Variants in DLGAP3 observed in about 807,000 individuals in gnomAD.
DLGAP3 encodes the protein DLG associated protein 3, also known as disks large-associated protein 3.
In DLGAP3, 17 loss-of-function variants were observed where a neutral mutation model predicts 81.2. The ratio of observed to expected loss-of-function variants is 0.21; its 90% CI spans 0.14 to 0.31. The LOEUF is 0.31. Among genes scored for constraint, DLGAP3 ranks in the 10% least tolerant of loss-of-function variants. DLGAP3 has a pLI of 1.00. For synonymous variants in DLGAP3, 577 were observed against 587.4 expected, an observed-to-expected ratio of 0.98 and a Z score of 0.26; for missense variants, 1,124 against 1,388.0, an observed-to-expected ratio of 0.81 and a Z score of 3.02.
chr1:34,868,850 T>C lies in DLGAP3; in HGVS notation c.2240A>G (p.Tyr747Cys). ...CGACCCATCGGTGGCCGGCGGCTCG[T>C]ACGGCAGTGGGTAGCCCTCGCGGTA... The part of the protein sequence containing the change: ...WAYREGYPLP[Y>C]EPPATDGSPG... Residue 747 changes from tyrosine to cysteine, a missense_variant, in exon 9 of 12, where the codon TAC (tyrosine) becomes TGC (cysteine). Transcript: ENST00000373347. This position sits in a 1 kb window ranked among gnomAD's most constrained non-coding sequence, Gnocchi z 7.5. The C allele has an allele frequency of 6.3e-7, 1 of 1,586,726 alleles. No individual in the cohort carries two copies. Among genetic ancestry groups the C allele is most frequent in the Non-Finnish European group, 8.5e-7 (1 of 1,171,422 alleles).
intron 1 of DLGAP3, among the ~76,000 whole-genome samples, chr1:34,919,027 C>T (rs1486287263): frequency 6.6e-6 from 1 of 152,164 alleles, no homozygotes; most frequent in Non-Finnish European, 1.5e-5. Context: ...AGAGTCGTTG[C>T]CATGACACCG....
rs1172785667 is a variant in DLGAP3, at chr1:34,873,832, G to C, written c.2001-4743C>G. Among the ~76,000 whole-genome samples, 4 of 151,786 alleles carry C rather than the reference G, an allele frequency of 2.6e-5. No homozygotes were observed. The highest frequency in any genetic ancestry group is 5.9e-5 in the Non-Finnish European group (4 of 67,834). On this transcript the variant is annotated intron_variant, in intron 8 of 11. Coordinates refer to ENST00000373347, the MANE Select transcript of DLGAP3 (RefSeq NM_001080418.3). The surrounding 1 kb of genome is among the most constrained non-coding windows in gnomAD (Gnocchi z 4.2). ...ATCACACTGGTTGGTTGGTTGGTTG[G>C]TTGGTTGGTTGGTTGGTTGGAAGGA...
chr1:34,921,426 T>C (rs988170616), intron 1 of DLGAP3, among the ~76,000 whole-genome samples: 1 of 152,230 alleles, frequency 6.6e-6, no homozygotes, highest in African/African-American at 2.4e-5. Context: ...TCCCCTTCTA[T>C]GGATCCTTTA....
At chr1:34,877,274 C>A (rs922033829) in intron 8 of DLGAP3, among the ~76,000 whole-genome samples, 2 of 152,198 alleles carry the variant, frequency 1.3e-5, no homozygotes, top group Non-Finnish European at 2.9e-5. Context: ...GTTTCATTTG[C>A]AAACTTGGAC....
At chr1:34,914,150 A>G (rs1167184485) in intron 1 of DLGAP3, among the ~76,000 whole-genome samples, 1 of 152,072 alleles carries the variant, frequency 6.6e-6, no homozygotes, top group Non-Finnish European at 1.5e-5. Flanking sequence ...CTCCCTTCCC[A>G]GCTAGGGCCA....
chr1:34,868,932 G>A lies in DLGAP3; in HGVS notation c.2158C>T (p.Pro720Ser), dbSNP rs751106796. ...AAGACTGAGTAGGTGGGGGCCCGGG[G>A]CCCAGGCTGGGGCTCAGAGGCGTGC... ...QRHASEPQPG[P>S]RAPTYSVFRT... is the part of the protein sequence containing the mutation. Residue 720 changes from proline (P) to serine (S), a missense_variant, in exon 9 of 12, where the codon CCC becomes TCC. Physicochemically the swap from Pro to Ser is moderately conservative, Grantham distance 74. Transcript: ENST00000373347. The surrounding 1 kb of genome is among the most constrained non-coding windows in gnomAD (Gnocchi z 7.5). 8 of 1,609,500 alleles carry A rather than the reference G, an allele frequency of 5.0e-6. No homozygotes were observed. The South Asian group carries it at 6.6e-5, about 13-fold the overall frequency.
At chr1:34,914,856 C>CT (rs1350008153) in intron 1 of DLGAP3, among the ~76,000 whole-genome samples, 4 of 152,280 alleles carry the variant, frequency 2.6e-5, no homozygotes, top group African/African-American at 9.6e-5. Context: ...GAAAACTCAT[C>CT]TTTTTCACGC....
intron 1 of DLGAP3, among the ~76,000 whole-genome samples, chr1:34,924,206 T>A (rs1359816367): frequency 1.3e-5 from 2 of 152,156 alleles, no homozygotes; most frequent in African/African-American, 4.8e-5. Flanking sequence ...GAGAAAGATA[T>A]CCAAGAGAAC....
chr1:34,866,048 C>A lies in DLGAP3; in HGVS notation c.*35G>T. The A allele has an allele frequency of 6.4e-7, 1 of 1,558,156 alleles. No homozygotes were observed. Among genetic ancestry groups the A allele is most frequent in the South Asian group, 1.1e-5 (1 of 88,206 alleles). On this transcript the variant is annotated 3_prime_UTR_variant, in exon 12 of 12. Transcript: ENST00000373347. ...TGGGTGTACAGTACGGGTGGAGAAC[C>A]GCGGGCCCGGGCCGGGCTGGGCGGG...
chr1:34,875,999 C>T (rs890490533), intron 8 of DLGAP3, among the ~76,000 whole-genome samples: 1 of 152,256 alleles, frequency 6.6e-6, no homozygotes, highest in Non-Finnish European at 1.5e-5. Flanking sequence ...ACAGCGGCTA[C>T]ATCATTAATG....
chr1:34,885,379 GA>G, intron 7 of DLGAP3, 98 bp downstream of exon 7: 1 of 1,355,372 alleles, frequency 7.4e-7, no homozygotes. Context: ...GGGCAAGCCA[GA>G]AAGAATGTCG....
chr1:34,869,724 C>T (rs1264349783), intron 8 of DLGAP3, among the ~76,000 whole-genome samples: 2 of 152,152 alleles, frequency 1.3e-5, no homozygotes, highest in Non-Finnish European at 2.9e-5. Context: ...TATCCACCCG[C>T]CTTGGCCTCC....
chr1:34,886,653 A>G (rs1167922077), intron 5 of DLGAP3, among the ~76,000 whole-genome samples: 1 of 152,024 alleles, frequency 6.6e-6, no homozygotes, highest in East Asian at 1.9e-4. Context: ...CCCAACAGAG[A>G]GGACCAGGGA....
In DLGAP3 at chr1:34,898,899, C is replaced by CTCAAAA. The variant is rs537620347; in HGVS notation, c.1386+764_1386+769dup. Among the ~76,000 whole-genome samples, 18 of 151,020 alleles carry CTCAAAA rather than the reference C, an allele frequency of 1.2e-4. No homozygotes were observed. In the South Asian group the frequency reaches 3.4e-3, roughly 29 times the overall value. ...TTTGCATACATTTTCTCACTGAACTCTCAAAAACCCCTGCAAAATAACTGT... is the reference window on the plus strand; with the variant it reads ...TTTGCATACATTTTCTCACTGAACTCTCAAAATCAAAAACCCCTGCAAAATAACTGT... On this transcript the variant is annotated intron_variant, in intron 5 of 11. Coordinates refer to ENST00000373347, the MANE Select transcript of DLGAP3 (RefSeq NM_001080418.3).
At chr1:34,875,514 G>T (rs1297817927) in intron 8 of DLGAP3, among the ~76,000 whole-genome samples, 1 of 152,158 alleles carries the variant, frequency 6.6e-6, no homozygotes, top group Non-Finnish European at 1.5e-5. Context: ...TTTTGCTGTT[G>T]ATGTTGTTGG....
At chr1:34,917,888 G>A (rs1384460291) in intron 1 of DLGAP3, among the ~76,000 whole-genome samples, 1 of 152,216 alleles carries the variant, frequency 6.6e-6, no homozygotes, top group Non-Finnish European at 1.5e-5. Flanking sequence ...TGGCCAGGCA[G>A]TCCAGAGAGG....
In DLGAP3 at chr1:34,900,371, C is replaced by A; in HGVS notation, c.1108-98G>T. ...GCCAGTGGGAGATGCCCTGCCCTGGCTTGAACAGGCACACTCAGGTACATG... is the reference window on the plus strand; with the variant it reads ...GCCAGTGGGAGATGCCCTGCCCTGGATTGAACAGGCACACTCAGGTACATG... On this transcript the variant is annotated intron_variant, in intron 3 of 11. Coordinates refer to ENST00000373347, the MANE Select transcript of DLGAP3 (RefSeq NM_001080418.3). The surrounding 1 kb of genome is among the most constrained non-coding windows in gnomAD (Gnocchi z 5.6). The A allele has an allele frequency of 1.6e-6, 2 of 1,268,364 alleles. No individual in the cohort carries two copies. Among genetic ancestry groups the A allele is most frequent in the Non-Finnish European group, 2.3e-6 (2 of 878,006 alleles). 78.6% of individuals were successfully genotyped at this position (1,268,364 alleles called of 1,614,324 possible).
rs1026520967 is a variant in DLGAP3 at position 34,911,693 on chromosome 1, C to G, written c.-134-4256G>C. ...ATTACCCAATTTAGCACCAACTACA[C>G]AATCCAGCAATTAGTTTCTTAAACC... On this transcript the variant is annotated intron_variant, in intron 1 of 11. Coordinates refer to ENST00000373347, the MANE Select transcript of DLGAP3 (RefSeq NM_001080418.3). Among the ~76,000 whole-genome samples the G allele has an allele frequency of 3.3e-5, 5 of 152,296 alleles. No homozygotes were observed. The Middle Eastern group carries it at 0.017, about 518-fold the overall frequency.
chr1:34,886,212 A>C lies in DLGAP3; in HGVS notation c.1460T>G (p.Val487Gly), dbSNP rs1326262519. The change falls in exon 6 of 12, where the codon GTG (valine) becomes GGG (glycine). Residue 487 changes from valine to glycine, a missense_variant. Physicochemically the swap from Val to Gly is moderately radical, Grantham distance 109. Around this residue, in one of 9 missense-constraint regions of DLGAP3, gnomAD observed 357 missense variants for 408.8 expected, o/e 0.87. Coordinates refer to ENST00000373347, the MANE Select transcript of DLGAP3 (RefSeq NM_001080418.3). ...SVFGELESQA[V>G]DALDLPGCFR... The stretch of plus-strand genomic sequence containing the variant: ...ACAGCCGGGCAGGTCCAGGGCGTCC[A>C]CGGCCTGGGACTCCAGCTCCCCAAA... The C allele has an allele frequency of 1.2e-6, 2 of 1,611,314 alleles. No homozygotes were observed. The highest frequency in any genetic ancestry group is 1.7e-6 in the Non-Finnish European group (2 of 1,179,274).
Sources: allele counts gnomAD v4.1 joint callset (sites outside exome capture counted in the v4.1 genomes callset), GRCh38; gene constraint gnomAD v4.1.1; regional missense constraint gnomAD v4.1.1; non-coding constraint Gnocchi (gnomAD v3.1); transcripts MANE v1.5; gene names NCBI Gene and HGNC (gene_info 2026-07-23, HGNC 2026-07-21).